Variants in MBOAT2 observed in about 807,000 individuals in gnomAD.
The protein encoded by MBOAT2 is membrane-bound glycerophospholipid O-acyltransferase 2.
A neutral mutation model predicts 63.4 loss-of-function variants in MBOAT2; 28 were observed. The observed-to-expected ratio is 0.44, with a 90% CI of 0.33 to 0.61. MBOAT2 has a LOEUF of 0.61. MBOAT2 is among the 20% of genes least tolerant of loss of function. MBOAT2 has a pLI of 0.03. For synonymous variants in MBOAT2, 211 were observed against 215.6 expected, an observed-to-expected ratio of 0.98 and a Z score of 0.19; for missense variants, 470 against 605.8, an observed-to-expected ratio of 0.78 and a Z score of 2.35.
chr2:8,854,935 T>A lies in MBOAT2; in HGVS notation c.*3744A>T, dbSNP rs915816955. On this transcript the variant is annotated 3_prime_UTR_variant, in exon 13 of 13. Coordinates refer to ENST00000305997, the MANE Select transcript of MBOAT2 (RefSeq NM_138799.4). ...AGTAGTCAGTAATCTGTATAAAATA[T>A]TTCAGAGCATATATCTTCTCCAATT... The A allele has an allele frequency of 6.6e-6, 1 of 152,214 alleles. No individual in the cohort carries two copies. The highest frequency in any genetic ancestry group is 1.5e-5 in the Non-Finnish European group (1 of 68,032). The allele number at this position is 152,214 out of a possible 1,614,324, so 9.4% of individuals were successfully genotyped here.
At chr2:8,965,953 C>G (rs531874582) in intron 1 of MBOAT2, among the ~76,000 whole-genome samples, 1 of 152,206 alleles carries the variant, frequency 6.6e-6, no homozygotes, top group South Asian at 2.1e-4. Context: ...TCAATAAAAA[C>G]AGCCCCAAAA....
chr2:8,911,101 T>C (rs1665679504), intron 3 of MBOAT2, among the ~76,000 whole-genome samples: 1 of 152,174 alleles, frequency 6.6e-6, no homozygotes, highest in African/African-American at 2.4e-5. Flanking sequence ...GTCCAATCAT[T>C]TTCATTAACA....
chr2:8,899,124 A>AT (rs1664718393), intron 4 of MBOAT2, among the ~76,000 whole-genome samples: 1 of 152,170 alleles, frequency 6.6e-6, no homozygotes, highest in African/African-American at 2.4e-5. Context: ...ATGGGCGGGC[A>AT]TTTTTTGCCC....
At chr2:8,924,554 A>G (rs1399975946) in intron 3 of MBOAT2, among the ~76,000 whole-genome samples, 1 of 152,198 alleles carries the variant, frequency 6.6e-6, no homozygotes, top group African/African-American at 2.4e-5. Flanking sequence ...AGCCCTATTC[A>G]TAAACAAAGA....
intron 3 of MBOAT2, among the ~76,000 whole-genome samples, chr2:8,927,313 T>A (rs938401607): frequency 6.6e-6 from 1 of 152,212 alleles, no homozygotes; most frequent in African/African-American, 2.4e-5. Flanking sequence ...CCAAGAATTA[T>A]CTTCATTTTA....
intron 1 of MBOAT2, among the ~76,000 whole-genome samples, chr2:9,002,693 T>C (rs1416983558): frequency 6.6e-6 from 1 of 151,782 alleles, no homozygotes; most frequent in African/African-American, 2.4e-5. Flanking sequence ...CTTTTCTCAG[T>C]AAAAATGGCG....
intron 4 of MBOAT2, among the ~76,000 whole-genome samples, chr2:8,889,720 T>C (rs1663849116): frequency 6.6e-6 from 1 of 152,248 alleles, no homozygotes; most frequent in Admixed American, 6.5e-5. Context: ...AATTTCCACG[T>C]CACCTTAAAA....
chr2:8,969,165 C>T lies in MBOAT2; in HGVS notation c.76-10523G>A, dbSNP rs1256873798. 2.0e-5 allele frequency among the ~76,000 whole-genome samples: 3 copies of T among 152,080 alleles called. 1 individual carries two copies. The highest frequency in any genetic ancestry group is 4.2e-4 in the South Asian group (2 of 4,816). ...AAAGGGAAGCCCATCAGACTAACAG[C>T]GGATCTCTCGGCAGAAACTCTACAA... is the stretch of plus-strand genomic sequence containing the variant. On this transcript the variant is annotated intron_variant, in intron 1 of 12. Coordinates refer to ENST00000305997, the MANE Select transcript of MBOAT2 (RefSeq NM_138799.4).
chr2:8,995,691 C>T (rs973334548), intron 1 of MBOAT2, among the ~76,000 whole-genome samples: 3 of 150,780 alleles, frequency 2.0e-5, no homozygotes, highest in East Asian at 2.0e-4. Flanking sequence ...CCCGGGTTCG[C>T]GCCATTCTCC....
chr2:8,971,322 C>T (rs1172199023), intron 1 of MBOAT2, among the ~76,000 whole-genome samples: 2 of 152,182 alleles, frequency 1.3e-5, no homozygotes, highest in Non-Finnish European at 2.9e-5. Context: ...AACAGCCCTT[C>T]GTGCTAAAAA....
intron 8 of MBOAT2, among the ~76,000 whole-genome samples, chr2:8,869,733 T>C (rs140374678): frequency 5.5e-4 from 84 of 152,282 alleles, no homozygotes; most frequent in African/African-American, 2.0e-3. Context: ...CCTGCTAGCA[T>C]AGTAACATAT....
Position 8,858,593 on chromosome 2 carries a change from C to A in MBOAT2, c.*86G>T. ...CATTTCCCCCCAGTTAACTGCTTTT[C>A]CAACAAACTCAAACCCCTTGAAAAG... On this transcript the variant is annotated 3_prime_UTR_variant, in exon 13 of 13. Transcript: ENST00000305997. 4 of 1,001,590 alleles carry A rather than the reference C, an allele frequency of 4.0e-6. No individual in the cohort carries two copies. Among genetic ancestry groups the A allele is most frequent in the Non-Finnish European group, 1.5e-6 (1 of 677,770 alleles). 62.0% of individuals were successfully genotyped at this position (1,001,590 alleles called of 1,614,324 possible). A position where few individuals can be genotyped will look rare whatever the true frequency, so the allele number is the denominator to read the frequency against.
At chr2:8,914,452 G>C (rs912705817) in intron 3 of MBOAT2, among the ~76,000 whole-genome samples, 5 of 150,948 alleles carry the variant, frequency 3.3e-5, no homozygotes, top group African/African-American at 1.2e-4. Context: ...TCAAATTACA[G>C]TTGAATTGCA....
At chr2:8,934,849 G>A (rs1442065470) in intron 3 of MBOAT2, among the ~76,000 whole-genome samples, 1 of 152,174 alleles carries the variant, frequency 6.6e-6, no homozygotes, top group Non-Finnish European at 1.5e-5. Context: ...TTAACTCCAT[G>A]AGGACACATT....
intron 2 of MBOAT2, 81 bp downstream of exon 2, chr2:8,958,416 C>T: frequency 2.3e-6 from 3 of 1,313,806 alleles, no homozygotes; most frequent in Non-Finnish European, 3.0e-6. Context: ...CAAAACCCTA[C>T]ATAATGTATC....
chr2:8,880,929 G>A (rs1663075790), intron 6 of MBOAT2, among the ~76,000 whole-genome samples: 3 of 152,146 alleles, frequency 2.0e-5, no homozygotes, highest in African/African-American at 7.2e-5. Context: ...GAGAATGAGG[G>A]GAGACACTGA....
intron 1 of MBOAT2, 117 bp from the exon 2 acceptor site, chr2:8,958,759 G>T: frequency 9.1e-7 from 1 of 1,103,160 alleles, no homozygotes; most frequent in Non-Finnish European, 1.2e-6. Flanking sequence ...GACCTTCCAA[G>T]TTAACAAAAC....
intron 1 of MBOAT2, among the ~76,000 whole-genome samples, chr2:8,985,231 G>T (rs1475467173): frequency 2.6e-5 from 4 of 152,128 alleles, no homozygotes; most frequent in Non-Finnish European, 5.9e-5. Flanking sequence ...ATTGAAAAAT[G>T]ATCTACCTTT....
At chr2:8,904,802 C>T (rs181569519) in intron 4 of MBOAT2, among the ~76,000 whole-genome samples, 187 of 152,150 alleles carry the variant, frequency 1.2e-3, no homozygotes, top group African/African-American at 4.0e-3. Context: ...TAACTGATTA[C>T]TGCTGACATG....
Sources: allele counts gnomAD v4.1 joint callset (sites outside exome capture counted in the v4.1 genomes callset), GRCh38; gene constraint gnomAD v4.1.1; transcripts MANE v1.5; gene names NCBI Gene and HGNC (gene_info 2026-07-23, HGNC 2026-07-21).